GRID2: variants seen among roughly 807,000 people sequenced by gnomAD.
GRID2 encodes the protein glutamate receptor ionotropic, delta-2.
Under a neutral mutation model 114.8 loss-of-function variants are expected in GRID2, and 33 were observed. The observed-to-expected ratio is 0.29, with a 90% CI of 0.22 to 0.38. GRID2 has a LOEUF of 0.38. GRID2 is among the 10% of genes least tolerant of loss of function. The pLI is 1.00. For synonymous variants in GRID2, 505 were observed against 449.9 expected (o/e 1.12, Z -1.55); for missense variants, 1,184 against 1,257.7 (o/e 0.94, Z 0.89).
chr4:92,315,248 A>C (rs150220178), intron 1 of GRID2, among the ~76,000 whole-genome samples: 1 of 152,166 alleles, frequency 6.6e-6, no homozygotes, highest in South Asian at 2.1e-4. Flanking sequence ...AAAACATTTC[A>C]TCATATGGAA....
chr4:93,421,315 A>G (rs906556107), intron 9 of GRID2, among the ~76,000 whole-genome samples: 1 of 152,178 alleles, frequency 6.6e-6, no homozygotes, highest in Non-Finnish European at 1.5e-5. Context: ...TTTATTCTCC[A>G]TAGTGGTAAA....
rs1362962415 is a variant in GRID2, at chr4:92,994,515, G to A, written c.245-90480G>A. Among the ~76,000 whole-genome samples the A allele has an allele frequency of 2.6e-5, 4 of 152,022 alleles. No homozygotes were observed. In the East Asian group the frequency reaches 7.7e-4, roughly 29 times the overall value. ...TTTTTTGTATTTTTAGTAGTGATGG[G>A]ATTTCACCATGTTGGCCAGGCTGCT... On this transcript the variant is annotated intron_variant, in intron 2 of 15. Coordinates refer to ENST00000282020, the MANE Select transcript of GRID2 (RefSeq NM_001510.4).
chr4:93,240,409 G>A (rs925048294), intron 8 of GRID2, among the ~76,000 whole-genome samples: 2 of 151,064 alleles, frequency 1.3e-5, no homozygotes, highest in African/African-American at 4.9e-5. Context: ...ACATATTTAG[G>A]CTCTTCAGGT....
At chr4:92,530,673 G>T (rs768147888) in intron 1 of GRID2, among the ~76,000 whole-genome samples, 3 of 150,698 alleles carry the variant, frequency 2.0e-5, no homozygotes, top group Admixed American at 6.6e-5. Context: ...AGGCCAAGGC[G>T]GGCAGATCAC....
intron 1 of GRID2, among the ~76,000 whole-genome samples, chr4:92,583,916 CAT>C (rs1728300235): frequency 8.0e-6 from 1 of 124,254 alleles, no homozygotes; most frequent in Non-Finnish European, 1.7e-5. Flanking sequence ...TTTATATACA[CAT>C]ATATGTATAT....
At chr4:92,324,199 A>G (rs1279035354) in intron 1 of GRID2, among the ~76,000 whole-genome samples, 1 of 151,990 alleles carries the variant, frequency 6.6e-6, no homozygotes, top group African/African-American at 2.4e-5. Context: ...CACAGAATTT[A>G]GAACCCAGCA....
intron 10 of GRID2, among the ~76,000 whole-genome samples, chr4:93,435,658 T>A (rs1199063770): frequency 6.6e-6 from 1 of 152,210 alleles, no homozygotes; most frequent in Non-Finnish European, 1.5e-5. Context: ...AAATAGATAG[T>A]TAATATGCCC....
At chr4:93,050,566 T>C (rs1176980610) in intron 2 of GRID2, among the ~76,000 whole-genome samples, 1 of 151,376 alleles carries the variant, frequency 6.6e-6, no homozygotes, top group Non-Finnish European at 1.5e-5. Context: ...TGTATGTGTG[T>C]GCACATGCTT....
intron 2 of GRID2, among the ~76,000 whole-genome samples, chr4:92,901,404 C>T (rs1747575161): frequency 1.3e-5 from 2 of 152,028 alleles, no homozygotes; most frequent in Admixed American, 1.3e-4. Flanking sequence ...TTTTCAGTTG[C>T]ATAGTTTAAA....
At position 93,355,772 on chromosome 4, in the gene GRID2, A is replaced by T. The variant is rs114961303; in HGVS notation, c.1246-39835A>T. On this transcript the variant is annotated intron_variant, in intron 8 of 15. Coordinates refer to ENST00000282020, the MANE Select transcript of GRID2 (RefSeq NM_001510.4). Reference sequence around the variant, plus strand: ...CTGCAGGACCTCGCATCAGCAAAAAATATATTTGCCCTGAAAGTGACACAT... The same window carrying T: ...CTGCAGGACCTCGCATCAGCAAAAATTATATTTGCCCTGAAAGTGACACAT... Among the ~76,000 whole-genome samples the T allele has an allele frequency of 4.3e-3, 653 of 152,210 alleles. 6 individuals carry two copies. The highest frequency in any genetic ancestry group is 0.015 in the African/African-American group (622 of 41,556).
At chr4:93,238,082 T>G (rs1441380447) in intron 7 of GRID2, among the ~76,000 whole-genome samples, 2 of 151,806 alleles carry the variant, frequency 1.3e-5, no homozygotes, top group Non-Finnish European at 2.9e-5. Flanking sequence ...GCCTGGAACT[T>G]AGTCTGAGCT....
intron 2 of GRID2, among the ~76,000 whole-genome samples, chr4:93,015,325 C>T (rs889181405): frequency 5.3e-5 from 8 of 152,046 alleles, no homozygotes; most frequent in African/African-American, 1.9e-4. Flanking sequence ...GAAGTCAAAG[C>T]AACAAGGAAG....
intron 4 of GRID2, among the ~76,000 whole-genome samples, chr4:93,146,637 G>T (rs1736288626): frequency 6.6e-6 from 1 of 151,722 alleles, no homozygotes; most frequent in African/African-American, 2.4e-5. Flanking sequence ...GAGAAAGAAA[G>T]AAGGAAAGAA....
intron 1 of GRID2, among the ~76,000 whole-genome samples, chr4:92,544,743 G>A (rs1346878024): frequency 6.6e-6 from 1 of 151,990 alleles, no homozygotes; most frequent in Non-Finnish European, 1.5e-5. Context: ...TTAACTTTCA[G>A]TAACCAATAT....
chr4:93,473,208 A>G (rs986188001), intron 11 of GRID2, among the ~76,000 whole-genome samples: 4 of 152,118 alleles, frequency 2.6e-5, no homozygotes, highest in Non-Finnish European at 1.5e-5. Flanking sequence ...TGTTTATACA[A>G]TTTTAAAAAA....
At chr4:93,105,990 A>G (rs947289276) in intron 3 of GRID2, among the ~76,000 whole-genome samples, 1 of 152,084 alleles carries the variant, frequency 6.6e-6, no homozygotes, top group Admixed American at 6.6e-5. Context: ...TCTGCCTACC[A>G]CAAGTTCCTT....
At chr4:92,336,143 A>G (rs1387477345) in intron 1 of GRID2, among the ~76,000 whole-genome samples, 1 of 152,218 alleles carries the variant, frequency 6.6e-6, no homozygotes, top group Non-Finnish European at 1.5e-5. Flanking sequence ...TTTGTAAGTA[A>G]TTTAGTGTTC....
At chr4:92,742,129 A>C (rs928714951) in intron 2 of GRID2, among the ~76,000 whole-genome samples, 10 of 152,300 alleles carry the variant, frequency 6.6e-5, no homozygotes, top group Admixed American at 6.5e-4. Context: ...TATCTTTTCA[A>C]AACATTGAAA....
Position 93,060,017 on chromosome 4 carries a change from A to AT in GRID2, c.245-24970dup, listed in dbSNP as rs1010348243. 8.1e-4 allele frequency among the ~76,000 whole-genome samples: 123 copies of AT among 151,672 alleles called. 1 individual carries two copies. Among genetic ancestry groups the AT allele is most frequent in the Non-Finnish European group, 1.6e-3 (111 of 67,898 alleles). ...TTTTTAATGTACTCCTTTCTCAGAG[A>AT]TTTTTTTTGTCTGCTTATAGTTTAA... On this transcript the variant is annotated intron_variant, in intron 2 of 15. Coordinates refer to ENST00000282020, the MANE Select transcript of GRID2 (RefSeq NM_001510.4).
Sources: gnomAD v4.1 joint callset for allele counts (sites outside exome capture counted in the v4.1 genomes callset) on GRCh38, gnomAD v4.1.1 for gene constraint, MANE v1.5 for transcripts, NCBI Gene and HGNC (gene_info 2026-07-23, HGNC 2026-07-21) for gene names.